Variants in MOXD1 observed in about 807,000 individuals in gnomAD.
MOXD1 encodes DBH-like monooxygenase protein 1.
Under a neutral mutation model 66.6 loss-of-function variants are expected in MOXD1, and 62 were observed. The ratio of observed to expected loss-of-function variants is 0.93; its 90% CI spans 0.76 to 1.15. The LOEUF (loss-of-function observed/expected upper bound fraction) is 1.15. Among genes scored for constraint, MOXD1 ranks in the 50% most tolerant of loss-of-function variants. The pLI, the probability that MOXD1 is intolerant of heterozygous loss-of-function variation, is 0.00. For synonymous variants in MOXD1, 303 were observed against 281.9 expected (o/e 1.07, Z -0.75); for missense variants, 847 against 754.6 (o/e 1.12, Z -1.44).
At chr6:132,340,192 G>A (rs866551404) in intron 4 of MOXD1, among the ~76,000 whole-genome samples, 5 of 152,096 alleles carry the variant, frequency 3.3e-5, no homozygotes, top group Middle Eastern at 3.4e-3. Context: ...CAAAGCTACA[G>A]CTCTTGAAAT....
chr6:132,331,049 C>A (rs914495092), intron 4 of MOXD1, among the ~76,000 whole-genome samples: 1 of 152,124 alleles, frequency 6.6e-6, no homozygotes, highest in Non-Finnish European at 1.5e-5. Flanking sequence ...TTCTATTTTG[C>A]TTGAAAAGGG....
At chr6:132,302,320 T>G (rs991584505) in intron 10 of MOXD1, among the ~76,000 whole-genome samples, 1 of 152,152 alleles carries the variant, frequency 6.6e-6, no homozygotes, top group South Asian at 2.1e-4. Flanking sequence ...ATTAACAGAA[T>G]GTGCATAATG....
intron 4 of MOXD1, among the ~76,000 whole-genome samples, chr6:132,364,960 C>T (rs865774950): frequency 2.3e-4 from 35 of 152,044 alleles, no homozygotes; most frequent in African/African-American, 7.7e-4. Context: ...CTAGATAATA[C>T]GGATATTATA....
intron 4 of MOXD1, among the ~76,000 whole-genome samples, chr6:132,342,113 C>G (rs1219031682): frequency 6.6e-6 from 1 of 152,122 alleles, no homozygotes; most frequent in Non-Finnish European, 1.5e-5. Flanking sequence ...AGCAATTCTC[C>G]TGCCTCAGCC....
intron 1 of MOXD1, chr6:132,392,382 C>A: frequency 6.7e-7 from 1 of 1,502,524 alleles, no homozygotes; most frequent in Non-Finnish European, 8.9e-7. Context: ...AATTTTCATG[C>A]AAATTCAACA....
rs767282374 is a variant in MOXD1, at chr6:132,322,725, T to C, written c.1259A>G (p.Asn420Ser). The C allele has an allele frequency of 5.0e-6, 8 of 1,613,872 alleles. No individual in the cohort carries two copies. The highest frequency in any genetic ancestry group is 5.9e-6 in the Non-Finnish European group (7 of 1,179,958). Reference sequence around the variant, plus strand: ...CTTTAGATACTGAAACTCCTGGAAATTGAAGTCAAAATCATCATCATAGGC... The same window carrying C: ...CTTTAGATACTGAAACTCCTGGAAACTGAAGTCAAAATCATCATCATAGGC... ...LLAYDDDFDF[N>S]FQEFQYLKEE... Residue 420 changes from asparagine to serine, a missense_variant, in exon 8 of 12, where the codon AAT becomes AGT. By Grantham distance (46) the Asn-to-Ser change is conservative. Coordinates refer to ENST00000367963, the MANE Select transcript of MOXD1 (RefSeq NM_015529.4).
intron 1 of MOXD1, among the ~76,000 whole-genome samples, chr6:132,390,054 C>G (rs953298971): frequency 6.6e-6 from 1 of 151,144 alleles, no homozygotes; most frequent in African/African-American, 2.4e-5. Context: ...TACATCAACG[C>G]CTAGTATTAA....
chr6:132,346,903 A>G lies in MOXD1; in HGVS notation c.664-18309T>C, dbSNP rs7759103. ...CTAGATTTGAGTCTCTCATCCAACA[A>G]GCATTTACTAAACGCTATAAGAAAC... On this transcript the variant is annotated intron_variant, in intron 4 of 11. Transcript: ENST00000367963. Among the ~76,000 whole-genome samples, 980 of 152,330 alleles carry G rather than the reference A, an allele frequency of 6.4e-3. 10 individuals carry two copies. The highest frequency in any genetic ancestry group is 0.022 in the African/African-American group (924 of 41,566).
At chr6:132,328,668 C>A in intron 4 of MOXD1, 74 bp from the exon 5 acceptor site, 1 of 1,378,208 alleles carries the variant, frequency 7.3e-7, no homozygotes, top group East Asian at 2.3e-5. Context: ...AAACGTGAAA[C>A]TAGCATAAAT....
chr6:132,298,936 A>C (rs78188998), intron 10 of MOXD1, among the ~76,000 whole-genome samples: 7,246 of 152,226 alleles, frequency 0.048, 545 homozygotes, highest in African/African-American at 0.16. Flanking sequence ...CACCCAAAGG[A>C]AAATAAATAG....
chr6:132,324,273 A>G (rs1775141999), intron 6 of MOXD1, among the ~76,000 whole-genome samples, 176 bp from the exon 7 acceptor site: 1 of 152,126 alleles, frequency 6.6e-6, no homozygotes, highest in Non-Finnish European at 1.5e-5. Context: ...GGCAGACAAC[A>G]TTCAGTTTCA....
At chr6:132,371,838 C>G (rs1049585989) in intron 4 of MOXD1, among the ~76,000 whole-genome samples, 5 of 152,168 alleles carry the variant, frequency 3.3e-5, no homozygotes, top group African/African-American at 1.2e-4. Flanking sequence ...ATCTGGCCTT[C>G]TGAATGTTTA....
Position 132,345,875 on chromosome 6 carries a change from G to A in MOXD1, c.664-17281C>T, listed in dbSNP as rs138672739. ...TTGACAGACCAAATGACAGATGCCA[G>A]TACATGTGGCTTTACCTCCAACCAG... On this transcript the variant is annotated intron_variant, in intron 4 of 11. Coordinates refer to ENST00000367963, the MANE Select transcript of MOXD1 (RefSeq NM_015529.4). Among the ~76,000 whole-genome samples the A allele has an allele frequency of 2.8e-3, 431 of 152,000 alleles. 3 individuals carry two copies. The highest frequency in any genetic ancestry group is 4.7e-3 in the Non-Finnish European group (319 of 67,996).
rs117011460 is a variant in MOXD1 at position 132,311,204 on chromosome 6, C to A, written c.1508+4431G>T. ...AGTAGAAATTCCCAAATTGAAAGAA[C>A]TTGAGGCATAAGGCACTCAGAAGCC... On this transcript the variant is annotated intron_variant, in intron 10 of 11. Transcript: ENST00000367963. Among the ~76,000 whole-genome samples, 385 of 152,148 alleles carry A rather than the reference C, an allele frequency of 2.5e-3. 2 individuals carry two copies. Among genetic ancestry groups the A allele is most frequent in the Non-Finnish European group, 3.7e-3 (250 of 67,986 alleles).
chr6:132,302,269 C>T (rs1314393501), intron 10 of MOXD1, among the ~76,000 whole-genome samples: 1 of 152,092 alleles, frequency 6.6e-6, no homozygotes, highest in Non-Finnish European at 1.5e-5. Context: ...TAGACTCACG[C>T]TAACAAGGTT....
intron 1 of MOXD1, among the ~76,000 whole-genome samples, chr6:132,394,121 G>A (rs1276002084): frequency 6.6e-6 from 1 of 152,038 alleles, no homozygotes. Flanking sequence ...CCCACCTAAT[G>A]TCCTAGTTCC....
Position 132,385,889 on chromosome 6 carries a change from G to C in MOXD1, c.265-11112C>G, listed in dbSNP as rs565889847. ...GAGGCTGAGGCGGGCGGATCACGAG[G>C]TCAGGAGATCGAGACCATCCTGGCT... On this transcript the variant is annotated intron_variant, in intron 1 of 11. Transcript: ENST00000367963. Among the ~76,000 whole-genome samples the C allele has an allele frequency of 2.6e-5, 4 of 151,718 alleles. No homozygotes were observed. The East Asian group carries it at 7.9e-4, about 30-fold the overall frequency.
chr6:132,351,750 C>T (rs181417996), intron 4 of MOXD1, among the ~76,000 whole-genome samples: 39 of 152,082 alleles, frequency 2.6e-4, no homozygotes, highest in Admixed American at 5.9e-4. Context: ...GCTGTGAATC[C>T]GTCTGGCCCC....
intron 4 of MOXD1, among the ~76,000 whole-genome samples, chr6:132,340,015 A>G (rs1775517721): frequency 6.6e-6 from 1 of 152,046 alleles, no homozygotes; most frequent in Non-Finnish European, 1.5e-5. Flanking sequence ...GATTACAGGC[A>G]TGCACCACCA....
Sources: gnomAD v4.1 joint callset for allele counts (sites outside exome capture counted in the v4.1 genomes callset) on GRCh38, gnomAD v4.1.1 for gene constraint, MANE v1.5 for transcripts, NCBI Gene and HGNC (gene_info 2026-07-23, HGNC 2026-07-21) for gene names.